The following KIF6 variants were observed in gnomAD, a reference collection of about 807,000 sequenced individuals.
KIF6 encodes the protein kinesin family member 6, also known as kinesin-like protein KIF6.
Under a neutral mutation model 112.7 loss-of-function variants are expected in KIF6, and 106 were observed. That is an observed-to-expected ratio of 0.94 (90% confidence interval 0.80 to 1.11). KIF6 has a LOEUF of 1.11. KIF6 is among the 50% of genes least tolerant of loss of function. The pLI is 0.00. For missense variants in KIF6, 929 were observed against 964.0 expected (o/e 0.96, Z 0.48); for synonymous variants, 339 against 339.9 (o/e 1.00, Z 0.03).
chr6:39,578,089 C>T lies in KIF6; in HGVS notation c.1148G>A (p.Arg383Lys). 2 of 1,614,046 alleles carry T rather than the reference C, an allele frequency of 1.2e-6. No homozygotes were observed. The highest frequency in any genetic ancestry group is 1.7e-6 in the Non-Finnish European group (2 of 1,179,916). The change falls in exon 10 of 23, where the codon AGG (arginine) becomes AAG (lysine). Residue 383 changes from arginine (R) to lysine (K), a missense_variant. Physicochemically the swap from Arg to Lys is conservative, Grantham distance 26. Transcript: ENST00000287152. Reference sequence around the variant, plus strand: ...CTCTGCTTCTGTGAGTGCCTCTGTCCTCTGCTCCCCAGTGACCATGGCCAG... The same window carrying T: ...CTCTGCTTCTGTGAGTGCCTCTGTCTTCTGCTCCCCAGTGACCATGGCCAG... The part of the protein sequence containing the change: ...DELAMVTGEQ[R>K]TEALTEAELL...
At chr6:39,584,428 A>C (rs1167045553) in intron 9 of KIF6, among the ~76,000 whole-genome samples, 11 of 89,178 alleles carry the variant, frequency 1.2e-4, no homozygotes, top group South Asian at 3.9e-4. Context: ...AAAAAAAAAA[A>C]AAAAAAAAAA....
chr6:39,603,541 G>C (rs1247939582), intron 6 of KIF6, among the ~76,000 whole-genome samples: 1 of 150,672 alleles, frequency 6.6e-6, no homozygotes, highest in East Asian at 1.9e-4. Context: ...TTTTTTTTGT[G>C]GGGGGTGTGT....
chr6:39,485,926 C>T (rs1325122493), intron 13 of KIF6, among the ~76,000 whole-genome samples: 1 of 152,186 alleles, frequency 6.6e-6, no homozygotes, highest in Admixed American at 6.5e-5. Context: ...ATATTATCCC[C>T]ATTTCATAGA....
chr6:39,337,209 TTCTTTCTTTCTTTCTTTCTTTC>T (rs1763052574), intron 22 of KIF6, among the ~76,000 whole-genome samples: 1 of 112,650 alleles, frequency 8.9e-6, no homozygotes, highest in African/African-American at 5.3e-5. Flanking sequence ...CTTTCTTTCT[TTCTTTCTTTCTTTCTTTCTTTC>T]TTTCTTTTTC....
intron 8 of KIF6, 43 bp downstream of exon 8, chr6:39,586,218 T>G (rs1286069706): frequency 6.2e-7 from 1 of 1,610,014 alleles, no homozygotes; most frequent in Non-Finnish European, 8.5e-7. Flanking sequence ...GTGCTAGCAG[T>G]AAAAACCTAG....
At chr6:39,645,762 C>T (rs539678245) in intron 3 of KIF6, among the ~76,000 whole-genome samples, 19 of 152,192 alleles carry the variant, frequency 1.2e-4, no homozygotes, top group Admixed American at 9.8e-4. Context: ...AAATGTGGCA[C>T]ATATATACCA....
chr6:39,697,603 C>G (rs889092027), intron 3 of KIF6, among the ~76,000 whole-genome samples: 1 of 150,958 alleles, frequency 6.6e-6, no homozygotes, highest in African/African-American at 2.4e-5. Flanking sequence ...AGTGCAGTGG[C>G]ATGATCTCCA....
chr6:39,684,149 A>T (rs1156285069), intron 3 of KIF6, among the ~76,000 whole-genome samples: 3 of 152,212 alleles, frequency 2.0e-5, no homozygotes, highest in Non-Finnish European at 4.4e-5. Context: ...GCCCTGCAGC[A>T]GATACTCATG....
intron 22 of KIF6, among the ~76,000 whole-genome samples, chr6:39,340,716 G>T (rs1269436612): frequency 6.6e-6 from 1 of 152,078 alleles, no homozygotes; most frequent in Non-Finnish European, 1.5e-5. Flanking sequence ...CACTGCCTGG[G>T]GACAGTGTTA....
In KIF6 at chr6:39,360,413, C is replaced by G; in HGVS notation, c.2064G>C (p.Glu688Asp). 6.2e-7 allele frequency: 1 copy of G among 1,614,222 alleles called. No homozygotes were observed. The highest frequency in any genetic ancestry group is 1.1e-5 in the South Asian group (1 of 91,082). The change falls in exon 18 of 23, where the codon GAG becomes GAC. Residue 688 changes from glutamate to aspartate, a missense_variant. Transcript: ENST00000287152. Reference sequence around the variant, plus strand: ...GCCATACCTGCAGGTTGGTGGCCTCCTCTGCCCACCAGACTTCAAACTCTT... The same window carrying G: ...GCCATACCTGCAGGTTGGTGGCCTCGTCTGCCCACCAGACTTCAAACTCTT... ...LQKEFEVWWA[E>D]EATNLQVNSP...
chr6:39,536,639 A>G (rs890468560), intron 13 of KIF6, among the ~76,000 whole-genome samples: 2 of 152,004 alleles, frequency 1.3e-5, no homozygotes, highest in African/African-American at 4.8e-5. Context: ...CAGAGGTACA[A>G]GGAGTAACTG....
chr6:39,716,806 C>T (rs551544584), intron 2 of KIF6, among the ~76,000 whole-genome samples: 1 of 152,152 alleles, frequency 6.6e-6, no homozygotes, highest in Admixed American at 6.5e-5. Context: ...TCTTCCCACC[C>T]TAAAGAATGG....
chr6:39,438,646 TA>T (rs1452639922), intron 13 of KIF6, among the ~76,000 whole-genome samples: 2 of 152,218 alleles, frequency 1.3e-5, no homozygotes, highest in African/African-American at 2.4e-5. Flanking sequence ...ATTAAAAAGT[TA>T]AAAAAATTAG....
chr6:39,411,480 A>G (rs1293769471), intron 15 of KIF6, among the ~76,000 whole-genome samples: 1 of 152,258 alleles, frequency 6.6e-6, no homozygotes, highest in African/African-American at 2.4e-5. Flanking sequence ...CCCAAATCCT[A>G]TGAAAAGTGA....
chr6:39,352,727 C>T (rs1764354589), intron 19 of KIF6, among the ~76,000 whole-genome samples: 1 of 151,874 alleles, frequency 6.6e-6, no homozygotes, highest in African/African-American at 2.4e-5. Context: ...CCTCAGCCTT[C>T]CAAGTAGCTG....
intron 5 of KIF6, among the ~76,000 whole-genome samples, chr6:39,630,964 G>A (rs1784322449): frequency 6.6e-6 from 1 of 151,874 alleles, no homozygotes; most frequent in South Asian, 2.1e-4. Context: ...TCATGCCATG[G>A]ACTACATTAA....
intron 3 of KIF6, among the ~76,000 whole-genome samples, chr6:39,665,202 C>G (rs983993920): frequency 6.6e-6 from 1 of 152,076 alleles, no homozygotes; most frequent in Non-Finnish European, 1.5e-5. Flanking sequence ...TGGGTCACCC[C>G]CATATATTCA....
chr6:39,590,914 T>C (rs1293997949), intron 7 of KIF6, among the ~76,000 whole-genome samples: 1 of 152,232 alleles, frequency 6.6e-6, no homozygotes, highest in Non-Finnish European at 1.5e-5. Context: ...TTAATGCTAC[T>C]ATCAAGGACT....
intron 12 of KIF6, among the ~76,000 whole-genome samples, chr6:39,542,738 A>G (rs1164368774): frequency 2.0e-5 from 3 of 152,188 alleles, no homozygotes; most frequent in African/African-American, 4.8e-5. Flanking sequence ...CTCCAATTAC[A>G]TCACACTCCG....
Sources: allele counts gnomAD v4.1 joint callset (sites outside exome capture counted in the v4.1 genomes callset), GRCh38; gene constraint gnomAD v4.1.1; transcripts MANE v1.5; gene names NCBI Gene and HGNC (gene_info 2026-07-23, HGNC 2026-07-21).